Variants in RAD21 observed in about 807,000 individuals in gnomAD.
RAD21 encodes RAD21 cohesin complex component.
RAD21 carries 18 observed loss-of-function variants against 71.5 expected under a neutral mutation model. That is an observed-to-expected ratio of 0.25 (90% confidence interval 0.17 to 0.37). RAD21 has a LOEUF of 0.37. Ranked by LOEUF, RAD21 falls within the 10% of genes least tolerant of loss-of-function variation. The probability of loss-of-function intolerance (pLI) is 1.00; values close to 1 mark genes in which losing one functional copy is unlikely to be tolerated. For synonymous variants in RAD21, 248 were observed against 254.0 expected, an observed-to-expected ratio of 0.98 and a Z score of 0.22; for missense variants, 493 against 769.1, an observed-to-expected ratio of 0.64 and a Z score of 4.25.
intron 9 of RAD21, 75 bp downstream of exon 9, chr8:116,854,170 T>C: frequency 8.1e-7 from 1 of 1,231,072 alleles, no homozygotes; most frequent in Non-Finnish European, 1.1e-6. Context: ...TCAAAAATGA[T>C]TCAAAGGTTT....
At chr8:116,854,106 C>T in intron 9 of RAD21, 139 bp downstream of exon 9, 1 of 639,336 alleles carries the variant, frequency 1.6e-6, no homozygotes. Context: ...GCCCAGTACA[C>T]TGTGATTTAA....
At chr8:116,852,470 C>T (rs2130459419) in intron 10 of RAD21, 79 bp downstream of exon 10, 2 of 1,369,328 alleles carry the variant, frequency 1.5e-6, no homozygotes, top group Non-Finnish European at 2.0e-6. Context: ...TCATTTCTTT[C>T]ACTCTGACAG....
At chr8:116,874,333 A>G (rs913527245) in intron 1 of RAD21, 1 of 154,332 alleles carries the variant, frequency 6.5e-6, no homozygotes, top group African/African-American at 2.4e-5. Flanking sequence ...GCCTTTGTAG[A>G]TCTCAGAATG....
intron 7 of RAD21, 139 bp from the exon 8 acceptor site, chr8:116,856,427 T>A: frequency 1.5e-6 from 2 of 1,294,572 alleles, no homozygotes; most frequent in Non-Finnish European, 2.0e-6. Context: ...TTTTTCTAGT[T>A]AATGGGAAAG....
intron 1 of RAD21, among the ~76,000 whole-genome samples, chr8:116,873,279 A>C (rs1248270844): frequency 6.6e-6 from 1 of 152,226 alleles, no homozygotes; most frequent in Non-Finnish European, 1.5e-5. Context: ...AAAAAAAAGC[A>C]CTATGTCTAT....
At chr8:116,868,413 T>C (rs1379959278) in intron 1 of RAD21, among the ~76,000 whole-genome samples, 1 of 152,218 alleles carries the variant, frequency 6.6e-6, no homozygotes, top group Non-Finnish European at 1.5e-5. Flanking sequence ...GGACATTTAG[T>C]TGCTTCCAGT....
Position 116,845,980 on chromosome 8 carries a change from G to GCATCAA in RAD21, c.*1514_*1519dup. ...TATTAGAAAAGTTATACATAACATA[G>GCATCAA]CATCAACTATTTTCAAGAACAATAT... On this transcript the variant is annotated 3_prime_UTR_variant, in exon 14 of 14. Coordinates refer to ENST00000297338, the MANE Select transcript of RAD21 (RefSeq NM_006265.3). 1 of 228,524 alleles carries GCATCAA rather than the reference G, an allele frequency of 4.4e-6. No individual in the cohort carries two copies. The highest frequency in any genetic ancestry group is 8.7e-6 in the Non-Finnish European group (1 of 114,968). The allele number at this position is 228,524 out of a possible 1,614,324, so 14.2% of individuals were successfully genotyped here. A position where few individuals can be genotyped will look rare whatever the true frequency, so the allele number is the denominator to read the frequency against.
intron 1 of RAD21, among the ~76,000 whole-genome samples, chr8:116,872,782 G>A (rs2130496350): frequency 6.6e-6 from 1 of 152,298 alleles, no homozygotes; most frequent in East Asian, 1.9e-4. Context: ...TCAGAACGGA[G>A]CTACCTCTTC....
In RAD21 at chr8:116,852,652, T is replaced by C. The variant is rs770607283; in HGVS notation, c.1218A>G (p.Lys406=). 29 of 1,613,056 alleles carry C rather than the reference T, an allele frequency of 1.8e-5. No individual in the cohort carries two copies. The Middle Eastern group carries it at 1.5e-3, about 82-fold the overall frequency. Reference sequence around the variant, plus strand: ...CATCCAAATTATCTGCCTCTCCTCCTTTCCTCCTTTTTCTAAGGTCTTCTG... The same window carrying C: ...CATCCAAATTATCTGCCTCTCCTCCCTTCCTCCTTTTTCTAAGGTCTTCTG... ...LVPEDLRKRR[K]GGEADNLDEF... The change falls in exon 10 of 14, where the codon AAA becomes AAG. Residue 406 remains lysine (K), a synonymous_variant. Transcript: ENST00000297338.
chr8:116,865,382 G>C (rs1014379262), intron 2 of RAD21, among the ~76,000 whole-genome samples: 5 of 152,062 alleles, frequency 3.3e-5, no homozygotes, highest in African/African-American at 1.2e-4. Flanking sequence ...ATACTTTCCA[G>C]AAAGGAGTAC....
chr8:116,850,683 ACT>A lies in RAD21; in HGVS notation c.1553_1554del (p.Glu518ValfsTer18). 6.2e-7 allele frequency: 1 copy of A among 1,612,850 alleles called. No individual in the cohort carries two copies. ...EPPNICQLIP[E>X]LELLPEKEKE... Reference sequence around the variant, plus strand: ...TTCTCTTTTTCTGGCAGAAGTTCTAACTCTGGTATTAGCTGACAGATATTTGG... The same window carrying A: ...TTCTCTTTTTCTGGCAGAAGTTCTAACTGGTATTAGCTGACAGATATTTGG... On this transcript the variant is annotated frameshift_variant, in exon 12 of 14. Transcript: ENST00000297338. LOFTEE classifies it high-confidence loss of function.
At position 116,846,334 on chromosome 8, in the gene RAD21, T is replaced by G; in HGVS notation, c.*1166A>C. On this transcript the variant is annotated 3_prime_UTR_variant, in exon 14 of 14. Coordinates refer to ENST00000297338, the MANE Select transcript of RAD21 (RefSeq NM_006265.3). The stretch of plus-strand genomic sequence containing the variant: ...AAAGTTTCAACACTTAAGCTAGAAC[T>G]TTCAGTGTTAACTTTGCCCTAAAAA... 4.4e-6 allele frequency: 1 copy of G among 229,240 alleles called. No individual in the cohort carries two copies. The highest frequency in any genetic ancestry group is 2.2e-5 in the African/African-American group (1 of 44,462). 14.2% of individuals were successfully genotyped at this position (229,240 alleles called of 1,614,324 possible).
At chr8:116,871,200 A>T (rs1464245486) in intron 1 of RAD21, among the ~76,000 whole-genome samples, 9 of 152,172 alleles carry the variant, frequency 5.9e-5, no homozygotes, top group African/African-American at 2.2e-4. Context: ...AACTTCATCC[A>T]ATCTTTAAAA....
At chr8:116,870,166 GA>G (rs965021912) in intron 1 of RAD21, among the ~76,000 whole-genome samples, 17 of 151,742 alleles carry the variant, frequency 1.1e-4, no homozygotes, top group African/African-American at 3.6e-4. Context: ...TTCCTCAAAA[GA>G]AAAAAAACCA....
intron 13 of RAD21, 188 bp downstream of exon 13, chr8:116,848,758 T>TAATAA (rs1812294936): frequency 5.0e-6 from 2 of 403,258 alleles, no homozygotes; most frequent in Non-Finnish European, 8.0e-6. Flanking sequence ...ACTTAAACTA[T>TAATAA]AATAAAAAAA....
chr8:116,858,610 T>C (rs1812521227), intron 4 of RAD21, 152 bp from the exon 5 acceptor site: 1 of 517,188 alleles, frequency 1.9e-6, no homozygotes, highest in Non-Finnish European at 3.4e-6. Context: ...CACATTCCAG[T>C]ACAATCCAAG....
intron 1 of RAD21, among the ~76,000 whole-genome samples, chr8:116,871,965 T>C (rs1163722744): frequency 6.6e-6 from 1 of 152,164 alleles, no homozygotes; most frequent in East Asian, 1.9e-4. Context: ...ATAAGTGATA[T>C]GAAAAATTAA....
intron 3 of RAD21, 55 bp from the exon 4 acceptor site, chr8:116,861,995 T>C: frequency 7.3e-7 from 1 of 1,367,398 alleles, no homozygotes; most frequent in Non-Finnish European, 1.0e-6. Context: ...TATCTAGGGA[T>C]CAGAGGGAGA....
At position 116,866,610 on chromosome 8, in the gene RAD21, G is replaced by A. The variant is rs773889147; in HGVS notation, c.120C>T (p.Ser40=). The change falls in exon 2 of 14, where the codon AGC becomes AGT. Residue 40 remains serine, a synonymous_variant. Coordinates refer to ENST00000297338, the MANE Select transcript of RAD21 (RefSeq NM_006265.3). ...CCTTTGGTGAGATGATACTCTCCAC[G>A]CTGCTCTCTAAATTACACTCGAACA... is the stretch of plus-strand genomic sequence containing the variant. ...AHVFECNLES[S]VESIISPKVK... 24 of 1,611,946 alleles carry A rather than the reference G, an allele frequency of 1.5e-5. No homozygotes were observed. The highest frequency in any genetic ancestry group is 4.5e-5 in the East Asian group (2 of 44,796).
Sources: allele counts gnomAD v4.1 joint callset (sites outside exome capture counted in the v4.1 genomes callset), GRCh38; gene constraint gnomAD v4.1.1; transcripts MANE v1.5; gene names NCBI Gene and HGNC (gene_info 2026-07-23, HGNC 2026-07-21).